The following KCNB2 variants were observed in gnomAD, a reference collection of about 807,000 sequenced individuals.
KCNB2 encodes the protein potassium voltage-gated channel subfamily B member 2.
Under a neutral mutation model 61.5 loss-of-function variants are expected in KCNB2, and 15 were observed. That is an observed-to-expected ratio of 0.24 (90% CI 0.16 to 0.38). The LOEUF is 0.38. KCNB2 is among the 10% of genes least tolerant of loss of function. KCNB2 has a pLI of 1.00. For synonymous variants in KCNB2, 457 were observed against 446.0 expected (o/e 1.02, Z -0.31); for missense variants, 828 against 1,125.2 (o/e 0.74, Z 3.78).
chr8:72,583,105 T>C (rs2128980638), intron 2 of KCNB2, among the ~76,000 whole-genome samples: 1 of 152,320 alleles, frequency 6.6e-6, no homozygotes, highest in South Asian at 2.1e-4. Flanking sequence ...GGCATTCCTT[T>C]TTCTTTCAAA....
At chr8:72,608,084 A>C (rs1026726861) in intron 2 of KCNB2, among the ~76,000 whole-genome samples, 1 of 152,190 alleles carries the variant, frequency 6.6e-6, no homozygotes, top group Non-Finnish European at 1.5e-5. Context: ...AATTTTTCAG[A>C]TATTAATGAG....
intron 2 of KCNB2, among the ~76,000 whole-genome samples, chr8:72,893,316 G>A (rs1805932494): frequency 6.6e-6 from 1 of 151,710 alleles, no homozygotes; most frequent in Non-Finnish European, 1.5e-5. Context: ...TTCAACATGG[G>A]GCAAAAACTA....
chr8:72,579,349 A>G (rs969816657), intron 2 of KCNB2, among the ~76,000 whole-genome samples: 3 of 152,180 alleles, frequency 2.0e-5, no homozygotes, highest in African/African-American at 7.2e-5. Flanking sequence ...TTTTCACAAA[A>G]TTGAATATTG....
chr8:72,808,948 T>C (rs1409010096), intron 2 of KCNB2, among the ~76,000 whole-genome samples: 1 of 152,220 alleles, frequency 6.6e-6, no homozygotes, highest in Non-Finnish European at 1.5e-5. Flanking sequence ...TAATTTTGTA[T>C]CTATTTAGTT....
intron 2 of KCNB2, among the ~76,000 whole-genome samples, chr8:72,858,208 A>G (rs570419108): frequency 2.2e-4 from 34 of 152,358 alleles, no homozygotes; most frequent in Admixed American, 5.2e-4. Flanking sequence ...ATAAAAATCC[A>G]CATTTATTAC....
intron 2 of KCNB2, among the ~76,000 whole-genome samples, chr8:72,719,813 G>T (rs1400111761): frequency 6.6e-6 from 1 of 152,032 alleles, no homozygotes; most frequent in African/African-American, 2.4e-5. Flanking sequence ...ATATTTGATT[G>T]TAATTGAAAA....
chr8:72,652,396 C>T (rs1435831847), intron 2 of KCNB2, among the ~76,000 whole-genome samples: 4 of 152,052 alleles, frequency 2.6e-5, no homozygotes, highest in African/African-American at 9.7e-5. Context: ...GAGCTATCTA[C>T]CTGGCCTATA....
rs940120138 is a variant in KCNB2, at chr8:72,567,869, C to T, written c.135C>T (p.Asn45=). The change falls in exon 2 of 3, where the codon AAC becomes AAT. Residue 45 remains asparagine, a synonymous_variant. Coordinates refer to ENST00000523207, the MANE Select transcript of KCNB2 (RefSeq NM_004770.3). ...RRVKINVGGL[N]HEVLWRTLDR... ...TTAAGATCAATGTGGGGGGCCTCAA[C>T]CACGAAGTCCTGTGGAGAACGCTGG... 3.7e-6 allele frequency: 6 copies of T among 1,614,090 alleles called. No homozygotes were observed. The highest frequency in any genetic ancestry group is 3.4e-6 in the Non-Finnish European group (4 of 1,180,016).
At chr8:72,779,681 A>G (rs568908789) in intron 2 of KCNB2, among the ~76,000 whole-genome samples, 84 of 152,268 alleles carry the variant, frequency 5.5e-4, no homozygotes, top group African/African-American at 1.9e-3. Flanking sequence ...CTTCTTTTTT[A>G]AAGCAACTTG....
intron 2 of KCNB2, among the ~76,000 whole-genome samples, chr8:72,926,240 TAAA>T (rs1216368799): frequency 6.6e-6 from 1 of 152,144 alleles, no homozygotes; most frequent in Admixed American, 6.6e-5. Flanking sequence ...CCCAACAACT[TAAA>T]ATAAATGTTG....
intron 2 of KCNB2, among the ~76,000 whole-genome samples, chr8:72,662,087 TTAAAG>T (rs1806390465): frequency 6.6e-6 from 1 of 152,192 alleles, no homozygotes; most frequent in Admixed American, 6.5e-5. Context: ...TCCTGCTTGC[TTAAAG>T]TAAACTTCCA....
chr8:72,678,919 C>G (rs957866272), intron 2 of KCNB2, among the ~76,000 whole-genome samples: 4 of 152,186 alleles, frequency 2.6e-5, no homozygotes, highest in African/African-American at 9.7e-5. Flanking sequence ...CTGCCTAGGA[C>G]CTTGCCATGG....
intron 2 of KCNB2, among the ~76,000 whole-genome samples, chr8:72,584,496 A>AG (rs1004843666): frequency 6.6e-6 from 1 of 152,074 alleles, no homozygotes; most frequent in African/African-American, 2.4e-5. Context: ...TTAAAAAAAA[A>AG]CTCTTACCTT....
chr8:72,782,840 C>T (rs569990075), intron 2 of KCNB2, among the ~76,000 whole-genome samples: 1 of 152,132 alleles, frequency 6.6e-6, no homozygotes, highest in East Asian at 1.9e-4. Flanking sequence ...AAGTTTTTCT[C>T]CCTCTGGGCC....
chr8:72,915,610 T>A (rs1198681943), intron 2 of KCNB2, among the ~76,000 whole-genome samples: 2 of 152,190 alleles, frequency 1.3e-5, no homozygotes, highest in African/African-American at 4.8e-5. Flanking sequence ...ATAAAGGCAG[T>A]ATTTTTAACA....
intron 2 of KCNB2, among the ~76,000 whole-genome samples, chr8:72,606,262 AT>A (rs1401020785): frequency 7.2e-5 from 11 of 152,290 alleles, no homozygotes; most frequent in Admixed American, 7.2e-4. Flanking sequence ...ACTAGAAGCA[AT>A]TATAGAGGAA....
intron 2 of KCNB2, among the ~76,000 whole-genome samples, chr8:72,859,706 CGTTTTTTTTTTTTTTTTTTTT>C (rs1810265932): frequency 4.1e-5 from 3 of 73,442 alleles, no homozygotes; most frequent in African/African-American, 5.9e-5. Context: ...TACTTCATTT[CGTTTTTTTTTTTTTTTTTTTT>C]TTTTTTTTTG....
chr8:72,875,456 G>C (rs1805688475), intron 2 of KCNB2, among the ~76,000 whole-genome samples: 1 of 151,922 alleles, frequency 6.6e-6, no homozygotes, highest in Admixed American at 6.6e-5. Context: ...AGAAGCCCTG[G>C]TCCAAGTCTT....
intron 2 of KCNB2, among the ~76,000 whole-genome samples, chr8:72,614,717 G>T (rs1047868887): frequency 4.6e-5 from 7 of 152,090 alleles, no homozygotes; most frequent in African/African-American, 1.4e-4. Context: ...CAAAGTCTTT[G>T]TCTCCCTTCC....
Sources: allele counts gnomAD v4.1 joint callset (sites outside exome capture counted in the v4.1 genomes callset), GRCh38; gene constraint gnomAD v4.1.1; transcripts MANE v1.5; gene names NCBI Gene and HGNC (gene_info 2026-07-23, HGNC 2026-07-21).